TRAK1: variants seen among roughly 807,000 people sequenced by gnomAD.
TRAK1 encodes the protein trafficking kinesin protein 1, also known as trafficking kinesin-binding protein 1.
A neutral mutation model predicts 92.1 loss-of-function variants in TRAK1; 33 were observed. The ratio of observed to expected loss-of-function variants is 0.36; its 90% CI spans 0.27 to 0.48. The LOEUF is 0.48. Ranked by LOEUF, TRAK1 falls within the 20% of genes least tolerant of loss-of-function variation. The probability of loss-of-function intolerance (pLI) is 0.99; values close to 1 mark genes in which losing one functional copy is unlikely to be tolerated. For synonymous variants in TRAK1, 521 were observed against 517.3 expected (o/e 1.01, Z -0.10); for missense variants, 1,123 against 1,257.9 (o/e 0.89, Z 1.62).
At chr3:42,209,372 G>T (rs1708700594) in intron 13 of TRAK1, among the ~76,000 whole-genome samples, 1 of 152,084 alleles carries the variant, frequency 6.6e-6, no homozygotes, top group Admixed American at 6.6e-5. Context: ...ACGTACATGT[G>T]GCCCCGCTTT....
Position 42,125,636 on chromosome 3 carries a change from T to C in TRAK1, c.286+22T>C, listed in dbSNP as rs750094388. On this transcript the variant is annotated intron_variant, in intron 2 of 15. Coordinates refer to ENST00000327628, the MANE Select transcript of TRAK1 (RefSeq NM_001042646.3). Reference sequence around the variant, plus strand: ...TTCCGTAAGTAGTTGTCCATGTGTGTTGTGATGGCAGTATCATGATCAGGT... The same window carrying C: ...TTCCGTAAGTAGTTGTCCATGTGTGCTGTGATGGCAGTATCATGATCAGGT... 26 of 1,612,186 alleles carry C rather than the reference T, an allele frequency of 1.6e-5. No homozygotes were observed. In the African/African-American group the frequency reaches 3.1e-4, roughly 19 times the overall value.
At chr3:42,099,417 G>A (rs1302659826) in intron 1 of TRAK1, among the ~76,000 whole-genome samples, 1 of 152,210 alleles carries the variant, frequency 6.6e-6, no homozygotes, top group Non-Finnish European at 1.5e-5. Context: ...GAGTGCGGCA[G>A]CTCAGAGCAA....
intron 1 of TRAK1, among the ~76,000 whole-genome samples, chr3:42,096,108 A>C (rs1344592650): frequency 2.0e-5 from 3 of 152,234 alleles, no homozygotes; most frequent in African/African-American, 7.2e-5. Flanking sequence ...TAGCAGCCTG[A>C]ACAGGCTAGG....
chr3:42,152,589 C>T (rs1019356215), intron 2 of TRAK1, among the ~76,000 whole-genome samples: 3 of 152,220 alleles, frequency 2.0e-5, no homozygotes, highest in East Asian at 1.9e-4. Context: ...CTTTACATCA[C>T]GTGTGTTTGG....
At chr3:42,031,283 C>T (rs9813314) in intron 1 of TRAK1, among the ~76,000 whole-genome samples, 3 of 151,690 alleles carry the variant, frequency 2.0e-5, no homozygotes, top group South Asian at 2.1e-4. Context: ...GTGATCCACC[C>T]GCCTCGACCT....
intron 1 of TRAK1, among the ~76,000 whole-genome samples, chr3:42,047,312 C>T (rs1702792577): frequency 6.7e-6 from 1 of 150,336 alleles, no homozygotes; most frequent in South Asian, 2.1e-4. Context: ...CCTCCCACCT[C>T]AGCCTTCCAA....
chr3:42,148,261 C>T (rs1219363686), intron 2 of TRAK1, among the ~76,000 whole-genome samples: 1 of 152,060 alleles, frequency 6.6e-6, no homozygotes, highest in Non-Finnish European at 1.5e-5. Flanking sequence ...GGGTAGGCAC[C>T]AGGGTTGCTG....
At position 42,223,859 on chromosome 3, in the gene TRAK1, A is replaced by G; in HGVS notation, c.*122A>G. The G allele has an allele frequency of 1.7e-6, 2 of 1,165,056 alleles. No homozygotes were observed. The highest frequency in any genetic ancestry group is 3.1e-5 in the African/African-American group (2 of 64,320). 72.2% of individuals were successfully genotyped at this position (1,165,056 alleles called of 1,614,324 possible). A position where few individuals can be genotyped will look rare whatever the true frequency, so the allele number is the denominator to read the frequency against. Reference sequence around the variant, plus strand: ...GCCCTTCTCTGTCCACCCCCTCCTAAGCTAGACAAATCAACCTCGTGCCTA... The same window carrying G: ...GCCCTTCTCTGTCCACCCCCTCCTAGGCTAGACAAATCAACCTCGTGCCTA... On this transcript the variant is annotated 3_prime_UTR_variant, in exon 16 of 16. Transcript: ENST00000327628. The surrounding 1 kb of genome is among the most constrained non-coding windows in gnomAD (Gnocchi z 6.1).
intron 1 of TRAK1, among the ~76,000 whole-genome samples, chr3:42,064,119 G>A (rs1308692096): frequency 6.6e-6 from 1 of 152,172 alleles, no homozygotes; most frequent in Non-Finnish European, 1.5e-5. Context: ...ACCTGAGGGA[G>A]ATCACAAATG....
chr3:42,083,315 T>G (rs1010204619), upstream of TRAK1, among the ~76,000 whole-genome samples: 1 of 152,254 alleles, frequency 6.6e-6, no homozygotes, highest in East Asian at 1.9e-4. Context: ...GCTTTAGGTC[T>G]GTGAATGAAG....
At chr3:42,018,324 C>T (rs1007367469) in intron 1 of TRAK1, among the ~76,000 whole-genome samples, 1 of 151,596 alleles carries the variant, frequency 6.6e-6, no homozygotes, top group Non-Finnish European at 1.5e-5. Flanking sequence ...GAAAATGTAC[C>T]TTGTTTTCCC....
chr3:42,211,262 C>T (rs1708995535), intron 14 of TRAK1: 3 of 985,202 alleles, frequency 3.0e-6, no homozygotes, highest in African/African-American at 3.5e-5. Flanking sequence ...CAGCTGTGGT[C>T]AAGGGATTTT....
At chr3:42,072,092 T>C (rs1438667338) in intron 1 of TRAK1, among the ~76,000 whole-genome samples, 1 of 152,218 alleles carries the variant, frequency 6.6e-6, no homozygotes, top group Admixed American at 6.5e-5. Context: ...GCCAGCTGCC[T>C]GTCAGGCTGG....
At chr3:42,066,358 A>G (rs926716325) in intron 1 of TRAK1, among the ~76,000 whole-genome samples, 1 of 152,122 alleles carries the variant, frequency 6.6e-6, no homozygotes, top group Non-Finnish European at 1.5e-5. Context: ...GTGAAGGGGA[A>G]GCTCTGAAGT....
chr3:42,075,855 T>A (rs1369492796), intron 1 of TRAK1, among the ~76,000 whole-genome samples: 2 of 152,080 alleles, frequency 1.3e-5, no homozygotes, highest in African/African-American at 4.8e-5. Flanking sequence ...TATTTTTTAT[T>A]TTTTTGAGAC....
chr3:42,200,840 A>T lies in TRAK1; in HGVS notation c.1213A>T (p.Thr405Ser). 1 of 1,614,108 alleles carries T rather than the reference A, an allele frequency of 6.2e-7. No individual in the cohort carries two copies. Among genetic ancestry groups the T allele is most frequent in the Non-Finnish European group, 8.5e-7 (1 of 1,180,036 alleles). The change falls in exon 12 of 16, where the codon ACA (threonine) becomes TCA (serine). Residue 405 changes from threonine (T) to serine (S), a missense_variant. This residue lies in a region of TRAK1 where 686 missense variants were observed against 747.6 expected (regional missense o/e 0.92). Transcript: ENST00000327628. ...DITHQKRVFE[T>S]VRNINQVVKQ... Reference sequence around the variant, plus strand: ...TAGTCACCAGAAGCGTGTCTTTGAGACAGTAAGAAACATCAACCAGGTTGT... The same window carrying T: ...TAGTCACCAGAAGCGTGTCTTTGAGTCAGTAAGAAACATCAACCAGGTTGT...
At chr3:42,098,039 C>G (rs889969002) in intron 1 of TRAK1, among the ~76,000 whole-genome samples, 1 of 151,762 alleles carries the variant, frequency 6.6e-6, no homozygotes, top group African/African-American at 2.4e-5. Flanking sequence ...TCTTCTCACC[C>G]TCTTCTCTCC....
chr3:42,221,317 A>T (rs1259964990), intron 15 of TRAK1, among the ~76,000 whole-genome samples: 1 of 152,000 alleles, frequency 6.6e-6, no homozygotes, highest in East Asian at 1.9e-4. Context: ...GTTTCTAATC[A>T]TGCTTTTCCG....
rs745804110 is a variant in TRAK1 at position 42,125,510 on chromosome 3, T to G, written c.182T>G (p.Ile61Ser). The part of the protein sequence containing the change: ...LPHYKLRADT[I>S]YGYDHDDWLH... ...CATTATAAGTTAAGAGCCGACACCA[T>G]CTACGGTTATGACCACGACGACTGG... Residue 61 changes from isoleucine to serine, a missense_variant, in exon 2 of 16, where the codon ATC becomes AGC. Physicochemically the swap from Ile to Ser is moderately radical, Grantham distance 142. Transcript: ENST00000327628. The G allele has an allele frequency of 1.2e-6, 2 of 1,614,248 alleles. No individual in the cohort carries two copies. The highest frequency in any genetic ancestry group is 1.7e-6 in the Non-Finnish European group (2 of 1,180,034).
Sources: allele counts gnomAD v4.1 joint callset (sites outside exome capture counted in the v4.1 genomes callset), GRCh38; gene constraint gnomAD v4.1.1; regional missense constraint gnomAD v4.1.1; non-coding constraint Gnocchi (gnomAD v3.1); transcripts MANE v1.5; gene names NCBI Gene and HGNC (gene_info 2026-07-23, HGNC 2026-07-21).